Variants in TMCC1 observed in about 807,000 individuals in gnomAD.
TMCC1 encodes the protein transmembrane and coiled-coil domain family 1, also known as transmembrane and coiled-coil domains protein 1.
TMCC1 carries 15 observed loss-of-function variants against 52.4 expected under a neutral mutation model. The ratio of observed to expected loss-of-function variants is 0.29; its 90% CI spans 0.19 to 0.44. The LOEUF (loss-of-function observed/expected upper bound fraction) is 0.44. Among genes scored for constraint, TMCC1 ranks in the 20% least tolerant of loss-of-function variants. The pLI is 1.00. For missense variants in TMCC1, 503 were observed against 806.0 expected (o/e 0.62, Z 4.55); for synonymous variants, 279 against 301.9 (o/e 0.92, Z 0.79).
intron 4 of TMCC1, among the ~76,000 whole-genome samples, chr3:129,696,668 T>A (rs1217310146): frequency 6.6e-6 from 1 of 152,214 alleles, no homozygotes; most frequent in Admixed American, 6.5e-5. Flanking sequence ...CTTTTCCGCC[T>A]ATGAGCCTGT....
At chr3:129,683,249 C>CT (rs1317490541) in intron 4 of TMCC1, among the ~76,000 whole-genome samples, 1 of 152,218 alleles carries the variant, frequency 6.6e-6, no homozygotes, top group Non-Finnish European at 1.5e-5. Flanking sequence ...AAACAGTCTC[C>CT]TTTTTTCCAT....
intron 4 of TMCC1, among the ~76,000 whole-genome samples, chr3:129,741,509 A>G (rs569190612): frequency 1.3e-5 from 2 of 152,304 alleles, no homozygotes; most frequent in South Asian, 4.1e-4. Context: ...CCTAATATAG[A>G]TTATAATTAG....
At chr3:129,852,838 T>C (rs546768843) in intron 2 of TMCC1, among the ~76,000 whole-genome samples, 1 of 152,358 alleles carries the variant, frequency 6.6e-6, no homozygotes, top group South Asian at 2.1e-4. Context: ...CGATGTTGAC[T>C]CTATTAAATG....
At chr3:129,784,565 CAAAAA>C (rs1197513016) in intron 4 of TMCC1, among the ~76,000 whole-genome samples, 1 of 67,026 alleles carries the variant, frequency 1.5e-5, no homozygotes. Context: ...GACTCCGTCT[CAAAAA>C]AAAAAAAATT....
At chr3:129,774,432 A>G (rs1013287537) in intron 4 of TMCC1, among the ~76,000 whole-genome samples, 1 of 152,218 alleles carries the variant, frequency 6.6e-6, no homozygotes, top group African/African-American at 2.4e-5. Context: ...CCTTCAATAA[A>G]TGTATGTTAA....
intron 4 of TMCC1, among the ~76,000 whole-genome samples, chr3:129,720,669 A>G (rs2049504891): frequency 1.3e-5 from 2 of 152,048 alleles, no homozygotes; most frequent in African/African-American, 4.8e-5. Context: ...CAAAATTGTG[A>G]GCAAATAAAA....
chr3:129,715,039 A>G (rs760881388), intron 4 of TMCC1, among the ~76,000 whole-genome samples: 2 of 152,200 alleles, frequency 1.3e-5, no homozygotes, highest in Non-Finnish European at 2.9e-5. Context: ...TCTGCCCAGT[A>G]GAGGACTCCC....
intron 4 of TMCC1, among the ~76,000 whole-genome samples, chr3:129,693,629 C>T (rs1187541711): frequency 6.6e-6 from 1 of 151,126 alleles, no homozygotes; most frequent in East Asian, 1.9e-4. Flanking sequence ...GGATTATAGG[C>T]ATGAAACACT....
chr3:129,856,722 T>C (rs1435322855), intron 2 of TMCC1, among the ~76,000 whole-genome samples: 2 of 152,324 alleles, frequency 1.3e-5, no homozygotes, highest in Non-Finnish European at 2.9e-5. Flanking sequence ...TGAAATTATC[T>C]AACTTTCCTC....
chr3:129,805,951 A>C (rs577034886), intron 4 of TMCC1, among the ~76,000 whole-genome samples: 2 of 152,258 alleles, frequency 1.3e-5, no homozygotes, highest in Admixed American at 6.5e-5. Flanking sequence ...AAACAAAAAA[A>C]CAAAAAACAA....
At chr3:129,826,338 C>CA (rs63640963) in intron 4 of TMCC1, among the ~76,000 whole-genome samples, 1,473 of 88,960 alleles carry the variant, frequency 0.017, 19 homozygotes, top group East Asian at 0.023. Flanking sequence ...CTCCTCTCTA[C>CA]AAAAAAAAAA....
intron 5 of TMCC1, among the ~76,000 whole-genome samples, chr3:129,655,662 T>C (rs1230750791): frequency 6.6e-6 from 1 of 152,212 alleles, no homozygotes; most frequent in Non-Finnish European, 1.5e-5. Context: ...GAGCCTGCTA[T>C]GTACCAGGCA....
chr3:129,887,318 C>T (rs565370764), intron 1 of TMCC1, among the ~76,000 whole-genome samples: 24 of 151,670 alleles, frequency 1.6e-4, no homozygotes, highest in African/African-American at 4.4e-4. Context: ...CCAAGGAGGG[C>T]GGATCATGAG....
At chr3:129,815,973 A>G (rs2058075771) in intron 4 of TMCC1, among the ~76,000 whole-genome samples, 1 of 152,226 alleles carries the variant, frequency 6.6e-6, no homozygotes, top group African/African-American at 2.4e-5. Context: ...AATGGCCAAC[A>G]AGTATATGAA....
chr3:129,721,790 C>T (rs572333448), intron 4 of TMCC1, among the ~76,000 whole-genome samples: 35 of 151,584 alleles, frequency 2.3e-4, no homozygotes, highest in African/African-American at 6.3e-4. Flanking sequence ...GCAGGAGAAT[C>T]GCGTGAACCC....
chr3:129,822,962 A>G lies in TMCC1; in HGVS notation c.576+4841T>C, dbSNP rs372804523. 4.1e-4 allele frequency among the ~76,000 whole-genome samples: 63 copies of G among 152,326 alleles called. 1 individual carries two copies. The highest frequency in any genetic ancestry group is 1.4e-3 in the African/African-American group (59 of 41,578). ...TTATTACAGTTTTGAAATCTGAGTC[A>G]GGGTTTCTTATCCCAGTAAGATGTT... On this transcript the variant is annotated intron_variant, in intron 4 of 6. Coordinates refer to ENST00000393238, the MANE Select transcript of TMCC1 (RefSeq NM_001017395.5).
At chr3:129,853,721 C>T (rs962206928) in intron 2 of TMCC1, among the ~76,000 whole-genome samples, 1 of 151,992 alleles carries the variant, frequency 6.6e-6, no homozygotes, top group Non-Finnish European at 1.5e-5. Context: ...ATTATCTCCT[C>T]TTTTTGGCTG....
At chr3:129,858,445 A>T (rs952761534) in intron 2 of TMCC1, among the ~76,000 whole-genome samples, 1 of 152,130 alleles carries the variant, frequency 6.6e-6, no homozygotes, top group African/African-American at 2.4e-5. Context: ...ATCTCAGCTC[A>T]CTGCAACCTC....
At chr3:129,711,415 C>T (rs2048673276) in intron 4 of TMCC1, among the ~76,000 whole-genome samples, 1 of 152,160 alleles carries the variant, frequency 6.6e-6, no homozygotes, top group South Asian at 2.1e-4. Flanking sequence ...CTAATTAGTA[C>T]AACCAGAGAT....
Sources: allele counts gnomAD v4.1 joint callset (sites outside exome capture counted in the v4.1 genomes callset), GRCh38; gene constraint gnomAD v4.1.1; transcripts MANE v1.5; gene names NCBI Gene and HGNC (gene_info 2026-07-23, HGNC 2026-07-21).